Variants in SFRP1 observed in about 807,000 individuals in gnomAD.
SFRP1 encodes the protein secreted frizzled related protein 1.
Under a neutral mutation model 25.9 loss-of-function variants are expected in SFRP1, and 9 were observed. That is an observed-to-expected ratio of 0.35 (90% CI 0.21 to 0.61). The LOEUF is 0.61. SFRP1 is among the 20% of genes least tolerant of loss of function. The pLI, the probability that SFRP1 is intolerant of heterozygous loss-of-function variation, is 0.78. For synonymous variants in SFRP1, 178 were observed against 174.0 expected (o/e 1.02, Z -0.18); for missense variants, 346 against 418.2 (o/e 0.83, Z 1.51).
At position 41,308,779 on chromosome 8, in the gene SFRP1, G is replaced by A. The variant is rs1250170590; in HGVS notation, c.381C>T (p.Tyr127=). ...CGGCCTCGCAGAGCCAGCGACACGG[G>A]TAGATGGGCCGGTCCAGGCAGACGG... The part of the protein sequence containing the change: ...FAPVCLDRPI[Y]PCRWLCEAVR... Residue 127 remains tyrosine, a synonymous_variant, in exon 1 of 3, where the codon TAC becomes TAT. Coordinates refer to ENST00000220772, the MANE Select transcript of SFRP1 (RefSeq NM_003012.5). 1.9e-6 allele frequency: 3 copies of A among 1,611,208 alleles called. No individual in the cohort carries two copies. Among genetic ancestry groups the A allele is most frequent in the Non-Finnish European group, 2.5e-6 (3 of 1,179,082 alleles).
chr8:41,284,961 G>A (rs1242982077), intron 2 of SFRP1, among the ~76,000 whole-genome samples: 1 of 152,172 alleles, frequency 6.6e-6, no homozygotes, highest in Non-Finnish European at 1.5e-5. Context: ...ACGCCCCACA[G>A]ATGCACCGCA....
At chr8:41,267,877 G>T (rs549841285) in intron 2 of SFRP1, among the ~76,000 whole-genome samples, 1 of 152,116 alleles carries the variant, frequency 6.6e-6, no homozygotes, top group Non-Finnish European at 1.5e-5. Context: ...TGATTAAATG[G>T]ACCAAGAAGA....
At chr8:41,276,191 C>T (rs1281978874) in intron 2 of SFRP1, among the ~76,000 whole-genome samples, 1 of 152,222 alleles carries the variant, frequency 6.6e-6, no homozygotes, top group Non-Finnish European at 1.5e-5. Flanking sequence ...GATACCAAAG[C>T]CTCACTAAGC....
rs148820149 is a variant in SFRP1, at chr8:41,294,172, G to A, written c.622+9289C>T. Among the ~76,000 whole-genome samples the A allele has an allele frequency of 3.5e-3, 528 of 152,290 alleles. 1 individual carries two copies. Among genetic ancestry groups the A allele is most frequent in the African/African-American group, 0.012 (505 of 41,562 alleles). ...CAGCGGGCTGGCACAGCCGCCCTAT[G>A]GAGTACCACAGGAGGGAATGCGCTC... On this transcript the variant is annotated intron_variant, in intron 2 of 2. Transcript: ENST00000220772.
At chr8:41,273,316 T>A (rs1039602545) in intron 2 of SFRP1, among the ~76,000 whole-genome samples, 3 of 151,966 alleles carry the variant, frequency 2.0e-5, no homozygotes, top group African/African-American at 7.3e-5. Flanking sequence ...ATGGCAAAAC[T>A]CTGTCTCTAC....
intron 2 of SFRP1, among the ~76,000 whole-genome samples, chr8:41,293,369 G>T (rs1803801432): frequency 6.6e-6 from 1 of 152,212 alleles, no homozygotes; most frequent in Non-Finnish European, 1.5e-5. Context: ...GTGGGCCAGG[G>T]CTAAGCAGAA....
intron 2 of SFRP1, among the ~76,000 whole-genome samples, chr8:41,279,270 C>T (rs894738464): frequency 2.0e-5 from 3 of 152,100 alleles, no homozygotes; most frequent in African/African-American, 7.2e-5. Flanking sequence ...AAGACTCACT[C>T]GCCAGACTGG....
chr8:41,296,737 C>T (rs1252604200), intron 2 of SFRP1, among the ~76,000 whole-genome samples: 4 of 152,122 alleles, frequency 2.6e-5, no homozygotes, highest in Admixed American at 2.6e-4. Context: ...CACAAAGGGG[C>T]TCTGAAGTCC....
intron 2 of SFRP1, among the ~76,000 whole-genome samples, chr8:41,294,943 T>G (rs1803823571): frequency 6.6e-6 from 1 of 152,204 alleles, no homozygotes; most frequent in Non-Finnish European, 1.5e-5. Context: ...CAATCATCTT[T>G]AAACTCAGCC....
intron 2 of SFRP1, among the ~76,000 whole-genome samples, chr8:41,272,425 C>T (rs1372436254): frequency 5.3e-5 from 8 of 152,196 alleles, no homozygotes; most frequent in Admixed American, 1.3e-4. Flanking sequence ...GCCTGGCCAA[C>T]GTGGCGAAAC....
At chr8:41,272,846 C>T (rs1175284661) in intron 2 of SFRP1, among the ~76,000 whole-genome samples, 2 of 152,054 alleles carry the variant, frequency 1.3e-5, no homozygotes, top group Non-Finnish European at 1.5e-5. Context: ...GAACATGAGT[C>T]CTCAGGTTAA....
chr8:41,302,464 G>T (rs1049502590), intron 2 of SFRP1, among the ~76,000 whole-genome samples: 2 of 152,178 alleles, frequency 1.3e-5, no homozygotes, highest in Non-Finnish European at 2.9e-5. Flanking sequence ...CCTCCGAATG[G>T]ACTCACATCA....
At chr8:41,268,079 T>C (rs1288610143) in intron 2 of SFRP1, among the ~76,000 whole-genome samples, 1 of 152,264 alleles carries the variant, frequency 6.6e-6, no homozygotes, top group Admixed American at 6.5e-5. Flanking sequence ...AACTAATGCA[T>C]ACTCCAGCTG....
intron 1 of SFRP1, chr8:41,306,916 C>T: frequency 1.3e-6 from 2 of 1,570,646 alleles, no homozygotes; most frequent in Non-Finnish European, 1.7e-6. Flanking sequence ...GGCAACCCGT[C>T]CAATCCCCCC....
chr8:41,303,644 G>A (rs1158611087), intron 1 of SFRP1, 106 bp from the exon 2 acceptor site: 18 of 829,054 alleles, frequency 2.2e-5, no homozygotes, highest in Non-Finnish European at 2.6e-5. Context: ...GTGGCTAAAG[G>A]TCTTCTGGAA....
At chr8:41,279,356 C>A (rs899786362) in intron 2 of SFRP1, among the ~76,000 whole-genome samples, 7 of 152,140 alleles carry the variant, frequency 4.6e-5, no homozygotes, top group African/African-American at 1.7e-4. Context: ...CTTGCCCAGG[C>A]CGGGGTCTGG....
chr8:41,277,914 A>C (rs1432554344), intron 2 of SFRP1, among the ~76,000 whole-genome samples: 1 of 152,192 alleles, frequency 6.6e-6, no homozygotes, highest in Admixed American at 6.5e-5. Flanking sequence ...CCTGGCCAGA[A>C]ATGTGCATTT....
intron 2 of SFRP1, chr8:41,276,838 C>A: frequency 2.3e-6 from 1 of 427,456 alleles, no homozygotes. Context: ...GGAAGGTGGC[C>A]AGGCAGGAGA....
At chr8:41,281,530 C>T (rs185089267) in intron 2 of SFRP1, among the ~76,000 whole-genome samples, 14 of 152,328 alleles carry the variant, frequency 9.2e-5, no homozygotes, top group Admixed American at 6.5e-4. Flanking sequence ...ATTGAGGATG[C>T]GGAGGCAGCT....
Sources: allele counts gnomAD v4.1 joint callset (sites outside exome capture counted in the v4.1 genomes callset), GRCh38; gene constraint gnomAD v4.1.1; transcripts MANE v1.5; gene names NCBI Gene and HGNC (gene_info 2026-07-23, HGNC 2026-07-21).